Variants in RASGEF1C observed in about 807,000 individuals in gnomAD.
RASGEF1C encodes RasGEF domain family member 1C.
A neutral mutation model predicts 58.1 loss-of-function variants in RASGEF1C; 27 were observed. That is an observed-to-expected ratio of 0.46 (90% CI 0.34 to 0.64). The LOEUF is 0.64. RASGEF1C is among the 30% of genes least tolerant of loss of function. The pLI, the probability that RASGEF1C is intolerant of heterozygous loss-of-function variation, is 0.01. For missense variants in RASGEF1C, 502 were observed against 605.1 expected, an observed-to-expected ratio of 0.83 and a Z score of 1.79; for synonymous variants, 243 against 246.3, an observed-to-expected ratio of 0.99 and a Z score of 0.13.
intron 1 of RASGEF1C, among the ~76,000 whole-genome samples, chr5:180,195,501 C>T (rs1403814071): frequency 1.3e-5 from 2 of 152,232 alleles, no homozygotes; most frequent in African/African-American, 4.8e-5. Flanking sequence ...TGGCTCACGC[C>T]TGTAATCCCA....
intron 1 of RASGEF1C, among the ~76,000 whole-genome samples, chr5:180,167,042 G>A (rs1767033696): frequency 6.6e-6 from 1 of 152,142 alleles, no homozygotes; most frequent in Non-Finnish European, 1.5e-5. Context: ...GGCATGGAGT[G>A]TCTTTGTGTT....
Position 180,118,697 on chromosome 5 carries a change from A to T in RASGEF1C, c.995T>A (p.Met332Lys). ...TAKFFILEHQ[M>K]DPTGNFCNYR... ...GTTGCAGAAATTCCCCGTTGGGTCC[A>T]TCTGGTGCTGGAAGGAGACAGGGAG... Residue 332 changes from methionine to lysine, a missense_variant, in exon 10 of 14, where the codon ATG (methionine) becomes AAG (lysine). Met to Lys is a moderately conservative substitution (Grantham distance 95). Transcript: ENST00000361132. The T allele has an allele frequency of 6.2e-7, 1 of 1,614,158 alleles. No homozygotes were observed. Among genetic ancestry groups the T allele is most frequent in the East Asian group, 2.2e-5 (1 of 44,862 alleles).
At chr5:180,142,201 G>A (rs1278129738) in intron 1 of RASGEF1C, among the ~76,000 whole-genome samples, 1 of 152,098 alleles carries the variant, frequency 6.6e-6, no homozygotes, top group Admixed American at 6.5e-5. Flanking sequence ...TGTCTGCCTC[G>A]TTGGGACGTG....
chr5:180,162,002 TTG>T (rs1170201200), intron 1 of RASGEF1C, among the ~76,000 whole-genome samples: 1 of 152,180 alleles, frequency 6.6e-6, no homozygotes, highest in Non-Finnish European at 1.5e-5. Flanking sequence ...CAAAGCAAGT[TTG>T]AGACAAATTC....
intron 1 of RASGEF1C, among the ~76,000 whole-genome samples, chr5:180,190,462 A>G (rs111866215): frequency 1.8e-5 from 2 of 109,836 alleles, no homozygotes; most frequent in African/African-American, 2.9e-5. Context: ...TGCACTCCAG[A>G]CTGGGTGACA....
chr5:180,175,241 G>A (rs555069834), intron 1 of RASGEF1C, among the ~76,000 whole-genome samples: 8 of 152,284 alleles, frequency 5.3e-5, no homozygotes, highest in Admixed American at 2.6e-4. Context: ...CCCCAGCGCC[G>A]GGGAAAGGCG....
At position 180,137,813 on chromosome 5, in the gene RASGEF1C, C is replaced by T. The variant is rs559996848; in HGVS notation, c.177+63G>A. 351 of 1,602,546 alleles carry T rather than the reference C, an allele frequency of 2.2e-4. 2 individuals carry two copies. In the African/African-American group the frequency reaches 4.1e-3, roughly 19 times the overall value. Reference sequence around the variant, plus strand: ...CCCTGGCCCAAGGTCACGCCCAACCCTGATGCCCCCCGTGCGTGGTGGAGG... The same window carrying T: ...CCCTGGCCCAAGGTCACGCCCAACCTTGATGCCCCCCGTGCGTGGTGGAGG... On this transcript the variant is annotated intron_variant, in intron 2 of 13. Transcript: ENST00000361132. This position sits in a 1 kb window ranked among gnomAD's most constrained non-coding sequence, Gnocchi z 4.1.
intron 6 of RASGEF1C, among the ~76,000 whole-genome samples, chr5:180,127,267 C>T (rs1206628000): frequency 6.6e-6 from 1 of 152,178 alleles, no homozygotes; most frequent in Non-Finnish European, 1.5e-5. Context: ...CGCACGGGGT[C>T]CCGGAGCGCG....
Position 180,105,884 on chromosome 5 carries a change from A to G in RASGEF1C, c.1304-3741T>C, listed in dbSNP as rs371266580. 5.3e-4 allele frequency among the ~76,000 whole-genome samples: 81 copies of G among 152,222 alleles called. 2 individuals are homozygous for G. The South Asian group carries it at 0.016, about 30-fold the overall frequency. On this transcript the variant is annotated intron_variant, in intron 12 of 13. Coordinates refer to ENST00000361132, the MANE Select transcript of RASGEF1C (RefSeq NM_175062.4). ...CTCTGTCTCAAAAAAAAAAAGAAGT[A>G]AAATGAGGGTTACCTGGACACAAGC... is the stretch of plus-strand genomic sequence containing the variant.
At chr5:180,141,920 G>A (rs747528737) in intron 1 of RASGEF1C, among the ~76,000 whole-genome samples, 1 of 152,040 alleles carries the variant, frequency 6.6e-6, no homozygotes, top group Non-Finnish European at 1.5e-5. Context: ...ATGTTAGCCA[G>A]GATGGTCTCG....
rs1766624252 is a variant in RASGEF1C, at chr5:180,143,910, C to T, written c.-6-5852G>A. Among the ~76,000 whole-genome samples the T allele has an allele frequency of 1.3e-5, 2 of 152,260 alleles. No homozygotes were observed. Among genetic ancestry groups the T allele is most frequent in the South Asian group, 2.1e-4 (1 of 4,828 alleles). ...GCGTCCTGGGGGCTGGAGGGATGTTCTCCCTGGGCCAGGTGTGGCAGAAGG... is the reference window on the plus strand; with the variant it reads ...GCGTCCTGGGGGCTGGAGGGATGTTTTCCCTGGGCCAGGTGTGGCAGAAGG... On this transcript the variant is annotated intron_variant, in intron 1 of 13. Coordinates refer to ENST00000361132, the MANE Select transcript of RASGEF1C (RefSeq NM_175062.4). The surrounding 1 kb of genome is among the most constrained non-coding windows in gnomAD (Gnocchi z 4.3).
rs1766302823 is a variant in RASGEF1C, at chr5:180,128,479, G to A, written c.570C>T (p.Ile190=). Residue 190 remains isoleucine (I), a synonymous_variant, in exon 5 of 14, where the codon ATC becomes ATT. Coordinates refer to ENST00000361132, the MANE Select transcript of RASGEF1C (RefSeq NM_175062.4). ...TGCAGACACCAAGGAGCTCCCTGTG[G>A]ATGGAGGCTGGTGGCTTGGTCCTGT... is the stretch of plus-strand genomic sequence containing the variant. ...ISYRTKPPAS[I]HRELLGVCSD... 6.2e-7 allele frequency: 1 copy of A among 1,614,124 alleles called. No individual in the cohort carries two copies.
intron 4 of RASGEF1C, among the ~76,000 whole-genome samples, chr5:180,130,451 G>T (rs1226382151): frequency 6.6e-6 from 1 of 152,204 alleles, no homozygotes; most frequent in Admixed American, 6.5e-5. Flanking sequence ...TGTGGGCCCT[G>T]GCCCTTCCAC....
intron 1 of RASGEF1C, among the ~76,000 whole-genome samples, chr5:180,139,512 T>C (rs1766541453): frequency 6.6e-6 from 1 of 152,104 alleles, no homozygotes; most frequent in Non-Finnish European, 1.5e-5. Context: ...CGTGGCCATG[T>C]GGGTGTGGGA....
At position 180,160,639 on chromosome 5, in the gene RASGEF1C, C is replaced by T. The variant is rs1375872167; in HGVS notation, c.-6-22581G>A. ...AGTAGGCCACACACAATATGCATGT[C>T]ATCAGTATTAGGAAAACTTTTAAAG... On this transcript the variant is annotated intron_variant, in intron 1 of 13. Transcript: ENST00000361132. Among the ~76,000 whole-genome samples, 4 of 151,412 alleles carry T rather than the reference C, an allele frequency of 2.6e-5. No individual in the cohort carries two copies. The East Asian group carries it at 7.7e-4, about 29-fold the overall frequency.
chr5:180,179,635 A>G (rs1010215267), intron 1 of RASGEF1C, among the ~76,000 whole-genome samples: 1 of 152,218 alleles, frequency 6.6e-6, no homozygotes, highest in Non-Finnish European at 1.5e-5. Context: ...AGAGGCTGGG[A>G]AGGAGACGCG....
intron 12 of RASGEF1C, among the ~76,000 whole-genome samples, chr5:180,111,165 G>C (rs963129136): frequency 1.3e-5 from 2 of 152,160 alleles, no homozygotes; most frequent in African/African-American, 4.8e-5. Flanking sequence ...GAGCCAGACA[G>C]GTAGATGGTT....
intron 1 of RASGEF1C, among the ~76,000 whole-genome samples, chr5:180,181,783 G>A (rs1330786111): frequency 6.6e-6 from 1 of 152,238 alleles, no homozygotes; most frequent in Non-Finnish European, 1.5e-5. Flanking sequence ...CCCTAGGAAA[G>A]TGATACAAAC....
In RASGEF1C at chr5:180,198,447, C is replaced by G. The variant is rs1246300101; in HGVS notation, c.-7+10581G>C. ...TCTTAGTCTGTTTCTGCTGCTATAA[C>G]AAAATACCTGAGGCTGGATAATTTA... is the stretch of plus-strand genomic sequence containing the variant. On this transcript the variant is annotated intron_variant, in intron 1 of 13. Transcript: ENST00000361132. The surrounding 1 kb of genome is among the most constrained non-coding windows in gnomAD (Gnocchi z 4.5). Among the ~76,000 whole-genome samples the G allele has an allele frequency of 1.3e-5, 2 of 152,184 alleles. No homozygotes were observed. The highest frequency in any genetic ancestry group is 4.8e-5 in the African/African-American group (2 of 41,442).
Sources: gnomAD v4.1 joint callset for allele counts (sites outside exome capture counted in the v4.1 genomes callset) on GRCh38, gnomAD v4.1.1 for gene constraint, Gnocchi (gnomAD v3.1) non-coding constraint, MANE v1.5 for transcripts, NCBI Gene and HGNC (gene_info 2026-07-23, HGNC 2026-07-21) for gene names.